Variants in PIK3CA observed in about 807,000 individuals in gnomAD.
PIK3CA encodes the protein phosphatidylinositol 4,5-bisphosphate 3-kinase catalytic subunit alpha isoform.
Under a neutral mutation model 138.2 loss-of-function variants are expected in PIK3CA, and 27 were observed. The observed-to-expected ratio is 0.20, with a 90% CI of 0.14 to 0.27. The LOEUF (loss-of-function observed/expected upper bound fraction) is 0.27, where lower values mean the gene tolerates loss of function less well. Among genes scored for constraint, PIK3CA ranks in the 10% least tolerant of loss-of-function variants. PIK3CA has a pLI of 1.00. For synonymous variants in PIK3CA, 358 were observed against 413.2 expected, an observed-to-expected ratio of 0.87 and a Z score of 1.62; for missense variants, 544 against 1,277.4, an observed-to-expected ratio of 0.43 and a Z score of 8.75.
chr3:179,182,808 G>A (rs61796467), intron 1 of PIK3CA, among the ~76,000 whole-genome samples: 15,028 of 152,080 alleles, frequency 0.099, 1,190 homozygotes, highest in African/African-American at 0.21. Context: ...TTGGTACATT[G>A]AACTGTACAT....
chr3:179,176,315 G>C (rs1723696647), intron 1 of PIK3CA, among the ~76,000 whole-genome samples: 2 of 152,172 alleles, frequency 1.3e-5, no homozygotes, highest in East Asian at 3.8e-4. Context: ...GAACCTCCTA[G>C]TCCTGAACTT....
In PIK3CA at chr3:179,219,573, G is replaced by A. The variant is rs1302992156; in HGVS notation, c.1749G>A (p.Met583Ile). Reference protein sequence around the residue: ...KWNSRDEVAQMYCLVKDWPPI... With the variant: ...KWNSRDEVAQIYCLVKDWPPI... ...TTTATTGTCTTTCTCATACACAGAT[G>A]TATTGCTTGGTAAAAGATTGGCCTC... The change falls in exon 12 of 21, where the codon ATG (methionine) becomes ATA (isoleucine). Residue 583 changes from methionine (M) to isoleucine (I), a missense_variant and splice_region_variant. This residue lies in a region of PIK3CA where 11 missense variants were observed against 48.4 expected (regional missense o/e 0.23). Coordinates refer to ENST00000263967, the MANE Select transcript of PIK3CA (RefSeq NM_006218.4). This position sits in a 1 kb window ranked among gnomAD's most constrained non-coding sequence, Gnocchi z 4.2. The A allele has an allele frequency of 7.2e-7, 1 of 1,383,334 alleles. No homozygotes were observed. The highest frequency in any genetic ancestry group is 1.4e-5 in the African/African-American group (1 of 70,098). The allele number at this position is 1,383,334 out of a possible 1,614,324, so 85.7% of individuals were successfully genotyped here.
At chr3:179,180,218 T>C (rs1363020763) in intron 1 of PIK3CA, among the ~76,000 whole-genome samples, 3 of 152,138 alleles carry the variant, frequency 2.0e-5, no homozygotes, top group African/African-American at 4.8e-5. Flanking sequence ...TACTTTGTGC[T>C]TTCAGGGCCT....
Position 179,219,849 on chromosome 3 carries a change from A to C in PIK3CA, c.1912-100A>C. Reference sequence around the variant, plus strand: ...ACTAACTAGTTTTATGCTTAAAAAAAAAAATTATTACCAGTAATATCCACT... The same window carrying C: ...ACTAACTAGTTTTATGCTTAAAAAACAAAATTATTACCAGTAATATCCACT... On this transcript the variant is annotated intron_variant, in intron 12 of 20. Coordinates refer to ENST00000263967, the MANE Select transcript of PIK3CA (RefSeq NM_006218.4). The surrounding 1 kb of genome is among the most constrained non-coding windows in gnomAD (Gnocchi z 4.2). 6.6e-7 allele frequency: 1 copy of C among 1,520,222 alleles called. No individual in the cohort carries two copies. Among genetic ancestry groups the C allele is most frequent in the South Asian group, 1.2e-5 (1 of 80,292 alleles). 94.2% of individuals were successfully genotyped at this position (1,520,222 alleles called of 1,614,324 possible).
chr3:179,234,011 T>C lies in PIK3CA; in HGVS notation c.2937-83T>C. 1.1e-6 allele frequency: 1 copy of C among 948,610 alleles called. No homozygotes were observed. The highest frequency in any genetic ancestry group is 1.9e-5 in the South Asian group (1 of 53,584). The allele number at this position is 948,610 out of a possible 1,614,324, so 58.8% of individuals were successfully genotyped here. A position where few individuals can be genotyped will look rare whatever the true frequency, so the allele number is the denominator to read the frequency against. Reference sequence around the variant, plus strand: ...ATAGCTTTGTCTACGAAAGCCTCTCTAATTTTGTGACATTTGAGCAAAGAC... The same window carrying C: ...ATAGCTTTGTCTACGAAAGCCTCTCCAATTTTGTGACATTTGAGCAAAGAC... On this transcript the variant is annotated intron_variant, in intron 20 of 20. Coordinates refer to ENST00000263967, the MANE Select transcript of PIK3CA (RefSeq NM_006218.4). This position sits in a 1 kb window ranked among gnomAD's most constrained non-coding sequence, Gnocchi z 5.1.
At chr3:179,178,106 G>T (rs1192041255) in intron 1 of PIK3CA, among the ~76,000 whole-genome samples, 4 of 134,632 alleles carry the variant, frequency 3.0e-5, no homozygotes, top group Non-Finnish European at 6.1e-5. Context: ...AAAGTGTTTG[G>T]GTTTTTTTTT....
At chr3:179,189,268 C>T (rs899632947) in intron 1 of PIK3CA, among the ~76,000 whole-genome samples, 1 of 151,946 alleles carries the variant, frequency 6.6e-6, no homozygotes, top group Non-Finnish European at 1.5e-5. Flanking sequence ...TTCATTTTCA[C>T]GATTAAATTC....
At chr3:179,206,182 C>T (rs1724556822) in intron 6 of PIK3CA, among the ~76,000 whole-genome samples, 1 of 150,226 alleles carries the variant, frequency 6.7e-6, no homozygotes, top group Non-Finnish European at 1.5e-5. Context: ...CTCAGCCTCC[C>T]TAGTAGCTGG....
chr3:179,209,697 A>C lies in PIK3CA; in HGVS notation c.1248A>C (p.Lys416Asn). The C allele has an allele frequency of 6.3e-7, 1 of 1,579,964 alleles. No homozygotes were observed. The highest frequency in any genetic ancestry group is 8.7e-7 in the Non-Finnish European group (1 of 1,153,364). ...ICSVKGRKGAKEEHCPLAWGN... is the reference protein window; with the variant it reads ...ICSVKGRKGANEEHCPLAWGN... ...CTGTTAAAGGCCGAAAGGGTGCTAA[A>C]GAGGTAAAGTATTTCAGAAGGAACA... Residue 416 changes from lysine to asparagine, a missense_variant, in exon 7 of 21, where the codon AAA becomes AAC. Physicochemically the swap from Lys to Asn is moderately conservative, Grantham distance 94. Around this residue, in one of 14 missense-constraint regions of PIK3CA, gnomAD observed 234 missense variants for 401.3 expected, o/e 0.58. Coordinates refer to ENST00000263967, the MANE Select transcript of PIK3CA (RefSeq NM_006218.4).
intron 15 of PIK3CA, 121 bp downstream of exon 15, chr3:179,224,308 A>G (rs1725033809): frequency 1.8e-6 from 1 of 558,398 alleles, no homozygotes; most frequent in Non-Finnish European, 3.2e-6. Flanking sequence ...TCTCTCTCTC[A>G]TTCTCCTACC....
In PIK3CA at chr3:179,239,392, A is replaced by C. The variant is rs1725395673; in HGVS notation, c.*5028A>C. 5.1e-6 allele frequency: 1 copy of C among 196,044 alleles called. No homozygotes were observed. Among genetic ancestry groups the C allele is most frequent in the Non-Finnish European group, 1.1e-5 (1 of 94,428 alleles). The allele number at this position is 196,044 out of a possible 1,614,324, so 12.1% of individuals were successfully genotyped here. A position where few individuals can be genotyped will look rare whatever the true frequency, so the allele number is the denominator to read the frequency against. On this transcript the variant is annotated 3_prime_UTR_variant, in exon 21 of 21. Transcript: ENST00000263967. Reference sequence around the variant, plus strand: ...TCATATTAAAATATAATTAGACTAAACTTAATTCTAGTATGAATTTCCAAA... The same window carrying C: ...TCATATTAAAATATAATTAGACTAACCTTAATTCTAGTATGAATTTCCAAA...
At chr3:179,192,392 G>C (rs1724157280) in intron 1 of PIK3CA, among the ~76,000 whole-genome samples, 1 of 152,186 alleles carries the variant, frequency 6.6e-6, no homozygotes, top group Non-Finnish European at 1.5e-5. Flanking sequence ...TTCCCTGTCA[G>C]GCAGTAAGCT....
chr3:179,186,613 G>A (rs1337112528), intron 1 of PIK3CA, among the ~76,000 whole-genome samples: 15 of 152,188 alleles, frequency 9.9e-5, no homozygotes, highest in Admixed American at 9.8e-4. Context: ...AAGTATGTGG[G>A]ATGTGAGTCA....
chr3:179,211,714 A>T (rs529426995), intron 9 of PIK3CA, among the ~76,000 whole-genome samples: 6 of 152,298 alleles, frequency 3.9e-5, no homozygotes, highest in African/African-American at 1.4e-4. Flanking sequence ...TCATCTCTAC[A>T]TGAGTACTTC....
intron 1 of PIK3CA, among the ~76,000 whole-genome samples, chr3:179,182,042 G>A (rs1204028945): frequency 1.3e-5 from 2 of 152,014 alleles, no homozygotes; most frequent in African/African-American, 2.4e-5. Context: ...CTCTTCAGTC[G>A]TTCCCTTTCC....
Position 179,239,157 on chromosome 3 carries a change from A to G in PIK3CA, c.*4793A>G, listed in dbSNP as rs1393137463. 1.4e-5 allele frequency: 3 copies of G among 211,398 alleles called. No individual in the cohort carries two copies. The highest frequency in any genetic ancestry group is 1.9e-4 in the South Asian group (1 of 5,368). 13.1% of individuals were successfully genotyped at this position (211,398 alleles called of 1,614,324 possible). A position where few individuals can be genotyped will look rare whatever the true frequency, so the allele number is the denominator to read the frequency against. On this transcript the variant is annotated 3_prime_UTR_variant, in exon 21 of 21. Coordinates refer to ENST00000263967, the MANE Select transcript of PIK3CA (RefSeq NM_006218.4). ...TTAGGTAAATGATTTTTCTACCAAC[A>G]GTATACTCCATTCCTCATGTAGGTA...
In PIK3CA at chr3:179,239,838, G is replaced by A; in HGVS notation, c.*5474G>A. Reference sequence around the variant, plus strand: ...ATACTGCATTCATTAGAAGAAAAACGTTTTTAATGTCCTTTTAATGATGGC... The same window carrying A: ...ATACTGCATTCATTAGAAGAAAAACATTTTTAATGTCCTTTTAATGATGGC... On this transcript the variant is annotated 3_prime_UTR_variant, in exon 21 of 21. Transcript: ENST00000263967. 8.1e-6 allele frequency: 4 copies of A among 494,604 alleles called. No homozygotes were observed. Among genetic ancestry groups the A allele is most frequent in the Non-Finnish European group, 1.5e-5 (4 of 275,288 alleles). The allele number at this position is 494,604 out of a possible 1,614,324, so 30.6% of individuals were successfully genotyped here.
intron 1 of PIK3CA, among the ~76,000 whole-genome samples, chr3:179,175,418 T>G (rs1723671706): frequency 6.6e-6 from 1 of 152,198 alleles, no homozygotes; most frequent in Admixed American, 6.5e-5. Flanking sequence ...GATTAATCTC[T>G]TCTCTTCATT....
At chr3:179,168,257 A>AT (rs1166802358) in intron 1 of PIK3CA, among the ~76,000 whole-genome samples, 3 of 152,092 alleles carry the variant, frequency 2.0e-5, no homozygotes, top group Non-Finnish European at 1.5e-5. Context: ...AAAGACTTTT[A>AT]TTTTTTCTTT....
Sources: gnomAD v4.1 joint callset for allele counts (sites outside exome capture counted in the v4.1 genomes callset) on GRCh38, gnomAD v4.1.1 for gene constraint, gnomAD v4.1.1 regional missense constraint, Gnocchi (gnomAD v3.1) non-coding constraint, MANE v1.5 for transcripts, NCBI Gene and HGNC (gene_info 2026-07-23, HGNC 2026-07-21) for gene names.